THSD7B: variants seen among roughly 807,000 people sequenced by gnomAD.
THSD7B encodes thrombospondin type-1 domain-containing protein 7B.
In THSD7B, 138 loss-of-function variants were observed where a neutral mutation model predicts 213.6. That is an observed-to-expected ratio of 0.65 (90% confidence interval 0.56 to 0.74). The LOEUF (loss-of-function observed/expected upper bound fraction) is 0.74. Ranked by LOEUF, THSD7B falls within the 30% of genes least tolerant of loss-of-function variation. The pLI is 0.00. For synonymous variants in THSD7B, 742 were observed against 687.0 expected (o/e 1.08, Z -1.25); for missense variants, 1,931 against 1,991.5 (o/e 0.97, Z 0.58).
Position 137,055,410 on chromosome 2 carries a change from G to C in THSD7B, c.140-1010G>C, listed in dbSNP as rs143518439. On this transcript the variant is annotated intron_variant, in intron 2 of 27. Coordinates refer to ENST00000409968, the MANE Select transcript of THSD7B (RefSeq NM_001316349.2). Reference sequence around the variant, plus strand: ...AACTAATTTACACTCCCACCAACAGGTTCAGATTACATATTTAAATAAAAT... The same window carrying C: ...AACTAATTTACACTCCCACCAACAGCTTCAGATTACATATTTAAATAAAAT... Among the ~76,000 whole-genome samples the C allele has an allele frequency of 9.6e-4, 146 of 152,126 alleles. 1 individual carries two copies. The Middle Eastern group carries it at 0.034, about 35-fold the overall frequency.
chr2:137,104,651 A>C (rs1205720987), intron 4 of THSD7B, among the ~76,000 whole-genome samples: 1 of 152,204 alleles, frequency 6.6e-6, no homozygotes, highest in South Asian at 2.1e-4. Flanking sequence ...ACAAAATGAT[A>C]GACGGCTAGC....
intron 17 of THSD7B, among the ~76,000 whole-genome samples, chr2:137,611,607 T>C (rs1682290917): frequency 6.6e-6 from 1 of 152,156 alleles, no homozygotes; most frequent in African/African-American, 2.4e-5. Flanking sequence ...ACTAATATTG[T>C]TTTCACAACC....
rs532586089 is a variant in THSD7B at position 137,509,213 on chromosome 2, T to A, written c.3139-54008T>A. 2.0e-5 allele frequency among the ~76,000 whole-genome samples: 3 copies of A among 152,264 alleles called. No individual in the cohort carries two copies. In the East Asian group the frequency reaches 5.8e-4, roughly 29 times the overall value. On this transcript the variant is annotated intron_variant, in intron 15 of 27. Coordinates refer to ENST00000409968, the MANE Select transcript of THSD7B (RefSeq NM_001316349.2). ...AATGATAGCCCTGTGTAGCCTAAGG[T>A]CACCTTCCTGTCTTTTTTTCTTTTC...
chr2:137,161,275 T>C (rs1680013502), intron 6 of THSD7B, among the ~76,000 whole-genome samples: 1 of 152,198 alleles, frequency 6.6e-6, no homozygotes, highest in South Asian at 2.1e-4. Flanking sequence ...TTTCTATTGA[T>C]ACTGTGTTCC....
chr2:137,048,790 G>A (rs1573788763), intron 2 of THSD7B, among the ~76,000 whole-genome samples: 1 of 152,072 alleles, frequency 6.6e-6, no homozygotes, highest in African/African-American at 2.4e-5. Context: ...GATCAGGGAC[G>A]CAGCTTAAAA....
chr2:137,417,588 T>C (rs909565960), intron 14 of THSD7B, among the ~76,000 whole-genome samples: 1 of 151,920 alleles, frequency 6.6e-6, no homozygotes, highest in Non-Finnish European at 1.5e-5. Flanking sequence ...TACTGGCTAA[T>C]TTTTTATTTT....
chr2:137,365,589 C>A (rs1038824054), intron 12 of THSD7B, among the ~76,000 whole-genome samples: 1 of 152,206 alleles, frequency 6.6e-6, no homozygotes, highest in African/African-American at 2.4e-5. Flanking sequence ...GGTATATGAA[C>A]AGACACTTTT....
At chr2:137,582,133 T>G (rs543161563) in intron 17 of THSD7B, among the ~76,000 whole-genome samples, 1 of 145,410 alleles carries the variant, frequency 6.9e-6, no homozygotes, top group African/African-American at 2.5e-5. Context: ...TAAATAAAAA[T>G]AAATTAATTA....
chr2:137,064,977 C>G (rs1687349386), intron 3 of THSD7B, among the ~76,000 whole-genome samples: 1 of 150,342 alleles, frequency 6.7e-6, no homozygotes, highest in Non-Finnish European at 1.5e-5. Flanking sequence ...GTTGTTTTTT[C>G]AGGTTAGCTT....
intron 2 of THSD7B, among the ~76,000 whole-genome samples, chr2:136,938,351 G>T (rs918464278): frequency 2.6e-5 from 4 of 152,186 alleles, no homozygotes; most frequent in African/African-American, 9.7e-5. Context: ...AGACTGAGGA[G>T]CTGAAAATAA....
intron 12 of THSD7B, among the ~76,000 whole-genome samples, chr2:137,308,811 T>G (rs1386148130): frequency 1.3e-5 from 2 of 152,160 alleles, no homozygotes; most frequent in Non-Finnish European, 2.9e-5. Context: ...GTATATGTAC[T>G]GACACACAAC....
intron 12 of THSD7B, among the ~76,000 whole-genome samples, chr2:137,322,879 G>C (rs542205132): frequency 7.2e-4 from 109 of 152,254 alleles, no homozygotes; most frequent in African/African-American, 2.4e-3. Flanking sequence ...TAATGGTATA[G>C]AGGGACATGG....
At chr2:136,981,735 A>C (rs1685581035) in intron 2 of THSD7B, among the ~76,000 whole-genome samples, 2 of 151,986 alleles carry the variant, frequency 1.3e-5, no homozygotes, top group South Asian at 4.2e-4. Flanking sequence ...ACCTTGTCTG[A>C]CTCCTCCAGG....
chr2:136,864,578 A>T (rs935699070), intron 1 of THSD7B, among the ~76,000 whole-genome samples: 6 of 150,302 alleles, frequency 4.0e-5, no homozygotes, highest in Non-Finnish European at 7.4e-5. Flanking sequence ...TTTGAGACAG[A>T]GTCTCACTCT....
At chr2:136,846,029 C>T (rs1365418804) in intron 1 of THSD7B, among the ~76,000 whole-genome samples, 2 of 152,138 alleles carry the variant, frequency 1.3e-5, no homozygotes, top group Non-Finnish European at 2.9e-5. Context: ...CACTGTCCCT[C>T]ATCTTGGCTG....
At chr2:137,556,640 A>G (rs1228616304) in intron 15 of THSD7B, among the ~76,000 whole-genome samples, 3 of 152,212 alleles carry the variant, frequency 2.0e-5, no homozygotes, top group African/African-American at 4.8e-5. Flanking sequence ...TCAACTAATG[A>G]GCAAAATAAC....
chr2:137,109,380 A>G (rs1392000906), intron 4 of THSD7B, among the ~76,000 whole-genome samples: 2 of 152,216 alleles, frequency 1.3e-5, no homozygotes, highest in African/African-American at 4.8e-5. Context: ...TAATTTTTCC[A>G]TGAACTTGGA....
At chr2:136,875,370 C>T (rs140895103) in intron 1 of THSD7B, among the ~76,000 whole-genome samples, 2,507 of 152,154 alleles carry the variant, frequency 0.016, 35 homozygotes, top group Middle Eastern at 0.02. Flanking sequence ...TACAGTGAGC[C>T]GAGATCGTGC....
chr2:137,421,809 C>A (rs945975729), intron 14 of THSD7B, among the ~76,000 whole-genome samples: 1 of 152,192 alleles, frequency 6.6e-6, no homozygotes, highest in African/African-American at 2.4e-5. Flanking sequence ...AGGCCTAACA[C>A]ACCCAACATT....
Sources: allele counts gnomAD v4.1 joint callset (sites outside exome capture counted in the v4.1 genomes callset), GRCh38; gene constraint gnomAD v4.1.1; transcripts MANE v1.5; gene names NCBI Gene and HGNC (gene_info 2026-07-23, HGNC 2026-07-21).